The following ADAMTS19 variants were observed in gnomAD, a reference collection of about 807,000 sequenced individuals.
ADAMTS19 encodes ADAM metallopeptidase with thrombospondin type 1 motif 19, also known as A disintegrin and metalloproteinase with thrombospondin motifs 19.
In ADAMTS19, 93 loss-of-function variants were observed where a neutral mutation model predicts 153.3. That is an observed-to-expected ratio of 0.61 (90% CI 0.51 to 0.72). The LOEUF (loss-of-function observed/expected upper bound fraction) is 0.72. Ranked by LOEUF, ADAMTS19 falls within the 30% of genes least tolerant of loss-of-function variation. The pLI is 0.00. For synonymous variants in ADAMTS19, 600 were observed against 556.6 expected (o/e 1.08, Z -1.10); for missense variants, 1,482 against 1,552.1 (o/e 0.95, Z 0.76).
At chr5:129,586,024 A>G (rs1011329248) in intron 7 of ADAMTS19, among the ~76,000 whole-genome samples, 4 of 152,098 alleles carry the variant, frequency 2.6e-5, no homozygotes, top group African/African-American at 9.7e-5. Context: ...ACTATTTTTT[A>G]GAGCAGTCTT....
intron 7 of ADAMTS19, among the ~76,000 whole-genome samples, chr5:129,573,674 TG>T (rs1468638142): frequency 6.6e-6 from 1 of 152,120 alleles, no homozygotes; most frequent in Non-Finnish European, 1.5e-5. Context: ...TATTAGGCAC[TG>T]GCCAAAACCT....
chr5:129,629,475 G>A (rs2126996977), intron 10 of ADAMTS19, among the ~76,000 whole-genome samples: 1 of 152,130 alleles, frequency 6.6e-6, no homozygotes, highest in Non-Finnish European at 1.5e-5. Flanking sequence ...GACAAAGGCA[G>A]TTGGGCCATA....
chr5:129,702,741 G>C (rs993947610), intron 20 of ADAMTS19, among the ~76,000 whole-genome samples: 2 of 151,428 alleles, frequency 1.3e-5, no homozygotes, highest in African/African-American at 4.9e-5. Flanking sequence ...ATACCCCACC[G>C]CAACCCAATC....
intron 2 of ADAMTS19, among the ~76,000 whole-genome samples, chr5:129,474,184 G>A (rs1299515290): frequency 6.6e-6 from 1 of 152,050 alleles, no homozygotes; most frequent in Admixed American, 6.6e-5. Context: ...CATTCACTTA[G>A]CATGATGATG....
intron 16 of ADAMTS19, among the ~76,000 whole-genome samples, chr5:129,672,180 T>C (rs540505754): frequency 9.9e-5 from 15 of 152,114 alleles, no homozygotes; most frequent in Non-Finnish European, 1.6e-4. Flanking sequence ...CAAGCTCTCT[T>C]GGGACTCTTA....
At chr5:129,693,860 GA>G (rs1755442417) in intron 18 of ADAMTS19, among the ~76,000 whole-genome samples, 2 of 152,120 alleles carry the variant, frequency 1.3e-5, no homozygotes, top group Non-Finnish European at 2.9e-5. Context: ...TTTTCTTACA[GA>G]TGATGACAAT....
Position 129,737,215 on chromosome 5 carries a change from T to C in ADAMTS19, c.3639T>C (p.Ser1213=). Residue 1213 remains serine, a synonymous_variant, in exon 23 of 23, where the codon AGT becomes AGC. Coordinates refer to ENST00000274487, the MANE Select transcript of ADAMTS19 (RefSeq NM_133638.6). ...DFYAQKLQQK[S] is the part of the protein sequence containing the mutation. ...ATGCCCAAAAGCTGCAGCAGAAGAG[T>C]TGACCTCTAGCAGGCTGGCTGGATC... 6.3e-7 allele frequency: 1 copy of C among 1,595,324 alleles called. No homozygotes were observed. Among genetic ancestry groups the C allele is most frequent in the Non-Finnish European group, 8.6e-7 (1 of 1,167,662 alleles).
intron 8 of ADAMTS19, among the ~76,000 whole-genome samples, chr5:129,606,902 CTTTATTTA>C (rs147321070): frequency 3.3e-5 from 5 of 149,860 alleles, no homozygotes; most frequent in Admixed American, 1.3e-4. Context: ...TATGTTTCCA[CTTTATTTA>C]TTTATTTATT....
chr5:129,673,301 A>G (rs1754395734), intron 16 of ADAMTS19, among the ~76,000 whole-genome samples: 1 of 152,018 alleles, frequency 6.6e-6, no homozygotes, highest in South Asian at 2.1e-4. Context: ...CTAATGTGAC[A>G]ATTTAAAGCT....
intron 7 of ADAMTS19, among the ~76,000 whole-genome samples, chr5:129,585,892 C>T (rs534555632): frequency 6.6e-6 from 1 of 152,084 alleles, no homozygotes; most frequent in Non-Finnish European, 1.5e-5. Flanking sequence ...TCCTTTTTCT[C>T]CTGGGCACTT....
At chr5:129,614,761 C>T (rs4292475) in intron 8 of ADAMTS19, among the ~76,000 whole-genome samples, 14,505 of 151,930 alleles carry the variant, frequency 0.095, 726 homozygotes, top group Middle Eastern at 0.17. Flanking sequence ...TGTTTGCAGA[C>T]GACATGATTG....
At chr5:129,614,397 A>G (rs1302515987) in intron 8 of ADAMTS19, among the ~76,000 whole-genome samples, 2 of 152,098 alleles carry the variant, frequency 1.3e-5, no homozygotes, top group Admixed American at 6.5e-5. Flanking sequence ...AAATCAATAA[A>G]CGTAATCCAG....
At chr5:129,589,721 A>G (rs1750004622) in intron 7 of ADAMTS19, among the ~76,000 whole-genome samples, 1 of 152,158 alleles carries the variant, frequency 6.6e-6, no homozygotes, top group South Asian at 2.1e-4. Context: ...CTAGTTTTAT[A>G]TCTGTGGTCT....
At chr5:129,634,994 G>C (rs1017424777) in intron 10 of ADAMTS19, among the ~76,000 whole-genome samples, 1 of 151,960 alleles carries the variant, frequency 6.6e-6, no homozygotes, top group African/African-American at 2.4e-5. Context: ...ACAGCCTACA[G>C]AGTGGGAGAA....
chr5:129,560,865 A>G (rs1023565814), intron 7 of ADAMTS19, among the ~76,000 whole-genome samples: 1 of 152,206 alleles, frequency 6.6e-6, no homozygotes, highest in Non-Finnish European at 1.5e-5. Flanking sequence ...TTTTAAAAAA[A>G]TAGTTTTAGA....
chr5:129,684,296 T>C, intron 18 of ADAMTS19, 23 bp downstream of exon 18: 1 of 1,611,932 alleles, frequency 6.2e-7, no homozygotes, highest in Non-Finnish European at 8.5e-7. Flanking sequence ...TAAACATTTA[T>C]CTTTCCAAAA....
At chr5:129,678,094 T>C (rs984963385) in intron 16 of ADAMTS19, among the ~76,000 whole-genome samples, 3 of 152,142 alleles carry the variant, frequency 2.0e-5, no homozygotes, top group Non-Finnish European at 4.4e-5. Context: ...ATTACAGGTG[T>C]GAGCCACCAC....
intron 8 of ADAMTS19, among the ~76,000 whole-genome samples, chr5:129,608,116 G>GTGTGTGTGGTTATATATATA (rs377008786): frequency 2.1e-5 from 1 of 47,928 alleles, no homozygotes; most frequent in Non-Finnish European, 5.0e-5. Flanking sequence ...GTGTGTGTGT[G>GTGTGTGTGGTTATATATATA]TATATATATA....
chr5:129,702,592 T>A (rs1422886053), intron 20 of ADAMTS19, among the ~76,000 whole-genome samples: 1 of 152,172 alleles, frequency 6.6e-6, no homozygotes, highest in Non-Finnish European at 1.5e-5. Context: ...CTTTTCTTAC[T>A]ATTCTAGGTT....
Sources: allele counts gnomAD v4.1 joint callset (sites outside exome capture counted in the v4.1 genomes callset), GRCh38; gene constraint gnomAD v4.1.1; transcripts MANE v1.5; gene names NCBI Gene and HGNC (gene_info 2026-07-23, HGNC 2026-07-21).